TTC23L: variants seen among roughly 807,000 people sequenced by gnomAD.
TTC23L encodes the protein tetratricopeptide repeat domain 23 like, also known as tetratricopeptide repeat protein 23-like.
A neutral mutation model predicts 48.1 loss-of-function variants in TTC23L; 42 were observed. The observed-to-expected ratio is 0.87, with a 90% CI of 0.68 to 1.13. The LOEUF is 1.13. Among genes scored for constraint, TTC23L ranks in the 50% most tolerant of loss-of-function variants. TTC23L has a pLI of 0.00. For missense variants in TTC23L, 391 were observed against 421.0 expected (o/e 0.93, Z 0.62); for synonymous variants, 159 against 157.2 (o/e 1.01, Z -0.09).
intron 9 of TTC23L, among the ~76,000 whole-genome samples, chr5:34,896,349 CCTGGGGTACGGGT>C (rs1459673203): frequency 1.3e-5 from 2 of 152,072 alleles, no homozygotes; most frequent in African/African-American, 2.4e-5. Context: ...TGTTGTCTGC[CCTGGGGTACGGGT>C]GGGGGAACAG....
the TTC23L span, among the ~76,000 whole-genome samples, chr5:34,914,228 A>G: frequency 6.6e-6 from 1 of 152,362 alleles, no homozygotes. Flanking sequence ...TGGAAAAAAG[A>G]GCATATATTC....
chr5:34,845,417 C>A, intron 2 of TTC23L, 70 bp from the exon 3 acceptor site: 1 of 1,483,494 alleles, frequency 6.7e-7, no homozygotes, highest in South Asian at 1.3e-5. Flanking sequence ...GAGAGCTATG[C>A]CCTTCAATTT....
At chr5:34,915,705 G>C in the TTC23L span, 1 of 1,569,584 alleles carries the variant, frequency 6.4e-7, no homozygotes, top group South Asian at 1.2e-5. Flanking sequence ...GGCAGCGCCG[G>C]AAAGGAGGCC....
the TTC23L span, chr5:34,914,110 T>G: frequency 2.4e-6 from 1 of 417,308 alleles, no homozygotes; most frequent in African/African-American, 2.0e-5. Context: ...AAACGCTTAG[T>G]TGAACTTGCA....
chr5:34,887,345 A>T (rs1762602753), intron 9 of TTC23L, among the ~76,000 whole-genome samples: 1 of 152,180 alleles, frequency 6.6e-6, no homozygotes, highest in African/African-American at 2.4e-5. Context: ...AAATGAAAAG[A>T]TGACAATCTG....
the TTC23L span, among the ~76,000 whole-genome samples, chr5:34,924,505 T>C: frequency 6.6e-6 from 1 of 152,216 alleles, no homozygotes; most frequent in Admixed American, 6.5e-5. Context: ...AGTTCCCCCA[T>C]AATGTGCTTT....
chr5:34,908,761 A>G, the TTC23L span: 1 of 1,593,112 alleles, frequency 6.3e-7, no homozygotes, highest in Non-Finnish European at 8.5e-7. Context: ...GTGAATTGTC[A>G]TACTCAAGAC....
chr5:34,895,045 GAGA>G lies in TTC23L; in HGVS notation c.1078-1721_1078-1719del, dbSNP rs373603897. 6.5e-4 allele frequency among the ~76,000 whole-genome samples: 99 copies of G among 152,308 alleles called. 2 individuals carry two copies. In the East Asian group the frequency reaches 0.019, roughly 29 times the overall value. On this transcript the variant is annotated intron_variant, in intron 9 of 10. Transcript: ENST00000505624. ...GATATTAGCATGAGCTGTATTTGTA[GAGA>G]AGACCTTTGAGATTACTGTTTGTCC...
At chr5:34,868,432 T>A (rs1246890053) in intron 7 of TTC23L, 1 of 153,984 alleles carries the variant, frequency 6.5e-6, no homozygotes, top group Non-Finnish European at 1.4e-5. Context: ...AATCTAACAC[T>A]TTTTTAGTGC....
At chr5:34,903,911 T>A (rs113117761), downstream of TTC23L, among the ~76,000 whole-genome samples, 1 of 152,066 alleles carries the variant, frequency 6.6e-6, no homozygotes, top group Non-Finnish European at 1.5e-5. Flanking sequence ...GAAAAAAAAA[T>A]AATTCAAGCC....
chr5:34,866,823 C>T (rs1424592443), intron 6 of TTC23L, 69 bp from the exon 7 acceptor site: 3 of 1,405,932 alleles, frequency 2.1e-6, no homozygotes, highest in Admixed American at 5.2e-5. Flanking sequence ...TTCTTGGAAT[C>T]AGTTCCTTTT....
At chr5:34,884,107 AAATC>A (rs1762405263) in intron 9 of TTC23L, among the ~76,000 whole-genome samples, 1 of 152,198 alleles carries the variant, frequency 6.6e-6, no homozygotes, top group South Asian at 2.1e-4. Flanking sequence ...TGGCATACAA[AAATC>A]AATCAATGAG....
the TTC23L span, among the ~76,000 whole-genome samples, chr5:34,910,424 TTTC>T: frequency 2.1e-3 from 311 of 151,268 alleles, 2 homozygotes; most frequent in African/African-American, 6.9e-3. Context: ...TGTGATTCTT[TTTC>T]TTTTCTTTTT....
At chr5:34,890,521 G>T (rs544346308) in intron 9 of TTC23L, among the ~76,000 whole-genome samples, 4 of 150,474 alleles carry the variant, frequency 2.7e-5, no homozygotes, top group Non-Finnish European at 5.9e-5. Flanking sequence ...AATCCGGGTT[G>T]ATCAGATTTC....
At chr5:34,876,997 T>G (rs908944945) in intron 8 of TTC23L, among the ~76,000 whole-genome samples, 1 of 151,860 alleles carries the variant, frequency 6.6e-6, no homozygotes, top group Non-Finnish European at 1.5e-5. Flanking sequence ...AAAAAAAAAT[T>G]ATCAAGATTT....
At chr5:34,864,608 T>G (rs1217983522) in intron 6 of TTC23L, 46 bp downstream of exon 6, 1 of 1,579,938 alleles carries the variant, frequency 6.3e-7, no homozygotes, top group Non-Finnish European at 8.6e-7. Context: ...GAATGAGGCT[T>G]GGAATTACAT....
At chr5:34,840,769 G>GTACT in intron 2 of TTC23L, 30 bp downstream of exon 2, 1 of 1,600,234 alleles carries the variant, frequency 6.2e-7, no homozygotes, top group Non-Finnish European at 8.6e-7. Flanking sequence ...GACATCACAG[G>GTACT]TACTTACTGG....
chr5:34,923,027 T>C, the TTC23L span: 1 of 1,546,380 alleles, frequency 6.5e-7, no homozygotes, highest in Non-Finnish European at 8.9e-7. Flanking sequence ...CACATTATGC[T>C]TTGTTAAAAG....
At chr5:34,918,323 T>G in the TTC23L span, 28 of 1,044,524 alleles carry the variant, frequency 2.7e-5, no homozygotes, top group Non-Finnish European at 3.6e-5. Context: ...ATCAGTTCAG[T>G]ATAAGATTTT....
Sources: gnomAD v4.1 joint callset for allele counts (sites outside exome capture counted in the v4.1 genomes callset) on GRCh38, gnomAD v4.1.1 for gene constraint, MANE v1.5 for transcripts, NCBI Gene and HGNC (gene_info 2026-07-23, HGNC 2026-07-21) for gene names.